The following DOCK3 variants were observed in gnomAD, a reference collection of about 807,000 sequenced individuals.
DOCK3 encodes dedicator of cytokinesis 3.
DOCK3 carries 60 observed loss-of-function variants against 265.6 expected under a neutral mutation model. The observed-to-expected ratio is 0.23, with a 90% CI of 0.18 to 0.28. DOCK3 has a LOEUF of 0.28. DOCK3 is among the 10% of genes least tolerant of loss of function. The pLI is 1.00. For synonymous variants in DOCK3, 881 were observed against 938.0 expected, an observed-to-expected ratio of 0.94 and a Z score of 1.11; for missense variants, 1,981 against 2,594.3, an observed-to-expected ratio of 0.76 and a Z score of 5.14.
At chr3:51,109,871 T>A (rs1260460389) in intron 9 of DOCK3, among the ~76,000 whole-genome samples, 1 of 151,820 alleles carries the variant, frequency 6.6e-6, no homozygotes, top group African/African-American at 2.4e-5. Context: ...AGGTAGAGGT[T>A]ACAGTAAGCC....
intron 27 of DOCK3, among the ~76,000 whole-genome samples, chr3:51,304,332 G>A (rs1245439413): frequency 6.6e-6 from 1 of 151,664 alleles, no homozygotes; most frequent in Non-Finnish European, 1.5e-5. Flanking sequence ...TAGGCAGCAG[G>A]CAGCCATAGT....
rs1408635757 is a variant in DOCK3 at position 50,841,822 on chromosome 3, G to A, written c.162+107G>A. 23 of 256,944 alleles carry A rather than the reference G, an allele frequency of 9.0e-5. No homozygotes were observed. The South Asian group carries it at 1.8e-3, about 20-fold the overall frequency. 15.9% of individuals were successfully genotyped at this position (256,944 alleles called of 1,614,324 possible). The stretch of plus-strand genomic sequence containing the variant: ...GTTCATCTTTTAATCTTTTACAGTA[G>A]CCACAATGATTCTTTCCTTTACAAA... On this transcript the variant is annotated intron_variant, in intron 3 of 52. Coordinates refer to ENST00000266037, the MANE Select transcript of DOCK3 (RefSeq NM_004947.5).
chr3:50,943,294 A>G (rs1373670988), intron 5 of DOCK3, among the ~76,000 whole-genome samples: 3 of 152,082 alleles, frequency 2.0e-5, no homozygotes, highest in African/African-American at 4.8e-5. Context: ...GTAAATATCT[A>G]CATTGATGCA....
At chr3:51,013,794 C>A (rs759499519) in intron 5 of DOCK3, among the ~76,000 whole-genome samples, 3 of 152,206 alleles carry the variant, frequency 2.0e-5, no homozygotes, top group Non-Finnish European at 4.4e-5. Flanking sequence ...TCTACAGAGA[C>A]AGTCGGGCCT....
At chr3:51,310,395 CAG>C in intron 28 of DOCK3, 69 bp downstream of exon 28, 1 of 1,364,278 alleles carries the variant, frequency 7.3e-7, no homozygotes, top group Non-Finnish European at 1.0e-6. Context: ...ATGTGTATTT[CAG>C]AGAGGGAGCA....
chr3:51,250,684 C>A (rs1334841723), intron 22 of DOCK3, among the ~76,000 whole-genome samples: 3 of 152,112 alleles, frequency 2.0e-5, no homozygotes, highest in Non-Finnish European at 4.4e-5. Flanking sequence ...GATTATGGAA[C>A]AGACTGGCTG....
chr3:50,743,010 A>G (rs2039166695), intron 1 of DOCK3, among the ~76,000 whole-genome samples: 1 of 152,242 alleles, frequency 6.6e-6, no homozygotes, highest in African/African-American at 2.4e-5. Flanking sequence ...GAAACTCTAC[A>G]AGCCAGAAGA....
intron 12 of DOCK3, among the ~76,000 whole-genome samples, chr3:51,164,278 G>C (rs1274724695): frequency 6.6e-6 from 1 of 152,062 alleles, no homozygotes; most frequent in Non-Finnish European, 1.5e-5. Context: ...CATTGATTGA[G>C]GTAATTTCAG....
chr3:51,377,207 G>A (rs1233170864), intron 51 of DOCK3, among the ~76,000 whole-genome samples: 5 of 152,220 alleles, frequency 3.3e-5, no homozygotes, highest in Admixed American at 3.3e-4. Context: ...GGAAGGAAAG[G>A]AGGGTTGTCT....
chr3:50,781,156 G>C (rs1394926437), intron 2 of DOCK3, among the ~76,000 whole-genome samples: 1 of 150,324 alleles, frequency 6.7e-6, no homozygotes, highest in East Asian at 2.0e-4. Flanking sequence ...CTGTTCCATT[G>C]GATAAAATCC....
intron 24 of DOCK3, among the ~76,000 whole-genome samples, chr3:51,272,070 C>T (rs1430082366): frequency 1.3e-5 from 2 of 152,136 alleles, no homozygotes; most frequent in Non-Finnish European, 2.9e-5. Flanking sequence ...GGTTTTATTC[C>T]TGAAGACACA....
In DOCK3 at chr3:51,159,320, C is replaced by T; in HGVS notation, c.889+16C>T. On this transcript the variant is annotated intron_variant, in intron 11 of 52. Transcript: ENST00000266037. ...ATCCGAATAGGTACTGTTCACCTTA[C>T]CCATTCACATGACTAAGAATGGCCC... is the stretch of plus-strand genomic sequence containing the variant. The T allele has an allele frequency of 6.2e-7, 1 of 1,608,878 alleles. No individual in the cohort carries two copies. The highest frequency in any genetic ancestry group is 8.5e-7 in the Non-Finnish European group (1 of 1,176,472).
chr3:50,767,141 T>G (rs1342924551), intron 1 of DOCK3, among the ~76,000 whole-genome samples: 1 of 152,254 alleles, frequency 6.6e-6, no homozygotes, highest in African/African-American at 2.4e-5. Flanking sequence ...CATTTGTCTA[T>G]TTTGGCTTTT....
intron 31 of DOCK3, 87 bp from the exon 32 acceptor site, chr3:51,314,893 G>T: frequency 7.0e-7 from 1 of 1,436,910 alleles, no homozygotes; most frequent in Non-Finnish European, 9.2e-7. Context: ...TTCCAGTATG[G>T]ATTGTAGCAT....
intron 12 of DOCK3, among the ~76,000 whole-genome samples, chr3:51,182,201 T>C (rs992473713): frequency 2.0e-5 from 3 of 152,170 alleles, no homozygotes; most frequent in Admixed American, 6.5e-5. Context: ...CACCATATTA[T>C]AGGTTGTATG....
chr3:50,999,050 G>T (rs1354693578), intron 5 of DOCK3, among the ~76,000 whole-genome samples: 1 of 152,114 alleles, frequency 6.6e-6, no homozygotes, highest in Non-Finnish European at 1.5e-5. Flanking sequence ...ATTAAAAAGA[G>T]TTAAAATTAT....
At chr3:50,921,014 G>A (rs544756894) in intron 4 of DOCK3, among the ~76,000 whole-genome samples, 25 of 152,328 alleles carry the variant, frequency 1.6e-4, no homozygotes, top group Non-Finnish European at 2.9e-4. Flanking sequence ...GTACCCAGTA[G>A]TCATTCAGGA....
chr3:50,889,935 T>C, intron 3 of DOCK3, 91 bp from the exon 4 acceptor site: 2 of 1,034,816 alleles, frequency 1.9e-6, no homozygotes, highest in East Asian at 6.4e-5. Context: ...CTACTATGTT[T>C]CTGTGCTGAA....
At chr3:51,135,205 G>A (rs1199683972) in intron 9 of DOCK3, among the ~76,000 whole-genome samples, 1 of 151,994 alleles carries the variant, frequency 6.6e-6, no homozygotes, top group African/African-American at 2.4e-5. Flanking sequence ...ATCTTCTCTG[G>A]TTGATATAAC....
Sources: gnomAD v4.1 joint callset for allele counts (sites outside exome capture counted in the v4.1 genomes callset) on GRCh38, gnomAD v4.1.1 for gene constraint, MANE v1.5 for transcripts, NCBI Gene and HGNC (gene_info 2026-07-23, HGNC 2026-07-21) for gene names.